Variants in COL26A1 observed in about 807,000 individuals in gnomAD.
The protein encoded by COL26A1 is collagen type XXVI alpha 1 chain.
Under a neutral mutation model 59.3 loss-of-function variants are expected in COL26A1, and 41 were observed. The observed-to-expected ratio is 0.69, with a 90% CI of 0.54 to 0.90. The LOEUF is 0.90. Among genes scored for constraint, COL26A1 ranks in the 40% least tolerant of loss-of-function variants. The pLI is 0.00. For missense variants in COL26A1, 612 were observed against 602.3 expected (o/e 1.02, Z -0.17); for synonymous variants, 266 against 256.0 (o/e 1.04, Z -0.37).
intron 3 of COL26A1, among the ~76,000 whole-genome samples, chr7:101,471,825 C>T (rs1257401990): frequency 6.6e-6 from 1 of 151,938 alleles, no homozygotes; most frequent in Non-Finnish European, 1.5e-5. Flanking sequence ...AGTGATCTGC[C>T]CACCTTGGCC....
intron 3 of COL26A1, among the ~76,000 whole-genome samples, chr7:101,461,007 G>C (rs914179317): frequency 1.6e-4 from 24 of 151,876 alleles, no homozygotes; most frequent in African/African-American, 5.8e-4. Context: ...TTTGAAACAG[G>C]GTCTTGCTCT....
At chr7:101,475,918 CTTTCTT>C (rs1342682360) in intron 3 of COL26A1, among the ~76,000 whole-genome samples, 14 of 143,400 alleles carry the variant, frequency 9.8e-5, no homozygotes, top group African/African-American at 2.9e-4. Context: ...CTCTCTCTCT[CTTTCTT>C]TCTCTCTCTC....
intron 2 of COL26A1, among the ~76,000 whole-genome samples, chr7:101,425,386 G>A (rs116575666): frequency 2.3e-3 from 351 of 152,236 alleles, no homozygotes; most frequent in African/African-American, 8.0e-3. Flanking sequence ...TAGGAGGTCC[G>A]GGACTGTCTC....
At chr7:101,501,185 C>CAAA (rs58672929) in intron 3 of COL26A1, among the ~76,000 whole-genome samples, 10 of 74,418 alleles carry the variant, frequency 1.3e-4, no homozygotes, top group Non-Finnish European at 2.0e-4. Context: ...GACTCCGTCT[C>CAAA]AAAAAAAAAA....
At chr7:101,529,661 G>C (rs1195576473) in intron 3 of COL26A1, among the ~76,000 whole-genome samples, 3 of 152,104 alleles carry the variant, frequency 2.0e-5, no homozygotes, top group African/African-American at 7.2e-5. Flanking sequence ...CTACTTATAG[G>C]TGAGAACATG....
chr7:101,453,819 C>T (rs578067940), intron 3 of COL26A1, among the ~76,000 whole-genome samples: 37 of 152,196 alleles, frequency 2.4e-4, no homozygotes, highest in African/African-American at 6.0e-4. Context: ...GGGCACATTC[C>T]GAAGATGGTT....
chr7:101,436,074 A>G (rs865801953), intron 2 of COL26A1, among the ~76,000 whole-genome samples: 4 of 152,172 alleles, frequency 2.6e-5, no homozygotes, highest in Admixed American at 2.0e-4. Context: ...GCCCACCCCA[A>G]GCAGTGGGGG....
At chr7:101,398,638 C>T (rs1480239685) in intron 1 of COL26A1, among the ~76,000 whole-genome samples, 1 of 152,146 alleles carries the variant, frequency 6.6e-6, no homozygotes, top group African/African-American at 2.4e-5. Context: ...GTGAGCCAGA[C>T]TTTGCACCAA....
intron 3 of COL26A1, among the ~76,000 whole-genome samples, chr7:101,486,194 C>T (rs557570319): frequency 2.2e-4 from 34 of 151,782 alleles, no homozygotes; most frequent in African/African-American, 8.0e-4. Flanking sequence ...AAAGTAGTCT[C>T]AGATTCTCTG....
At position 101,401,527 on chromosome 7, in the gene COL26A1, A is replaced by G. The variant is rs1421727900; in HGVS notation, c.159-18450A>G. On this transcript the variant is annotated intron_variant, in intron 1 of 12. Transcript: ENST00000313669. ...AAGAGGAGGGGGAGCAGGAGGACAA[A>G]GAGAAGGAGGAGGAAGAGGAAGAGT... Among the ~76,000 whole-genome samples, 8 of 148,134 alleles carry G rather than the reference A, an allele frequency of 5.4e-5. No individual in the cohort carries two copies. In the East Asian group the frequency reaches 1.6e-3, roughly 29 times the overall value.
chr7:101,467,815 C>G (rs943446605), intron 3 of COL26A1, among the ~76,000 whole-genome samples: 2 of 151,910 alleles, frequency 1.3e-5, no homozygotes, highest in African/African-American at 4.8e-5. Context: ...TGCAGTGAGC[C>G]GAGATCGCGC....
chr7:101,427,269 T>C (rs11561982), intron 2 of COL26A1, among the ~76,000 whole-genome samples: 110,683 of 152,114 alleles, frequency 0.73, 41,248 homozygotes, highest in African/African-American at 0.9. Context: ...TGCTTTGTTG[T>C]CCAGGCTGGT....
intron 3 of COL26A1, among the ~76,000 whole-genome samples, chr7:101,506,951 A>C: frequency 6.7e-6 from 1 of 148,618 alleles, no homozygotes. Flanking sequence ...CCCTCACTCT[A>C]TTGCCCAGGC....
chr7:101,398,510 C>T (rs531711656), intron 1 of COL26A1, among the ~76,000 whole-genome samples: 1 of 152,264 alleles, frequency 6.6e-6, no homozygotes, highest in South Asian at 2.1e-4. Context: ...TTCCCTCGCC[C>T]CAAGTCAGCA....
At position 101,377,273 on chromosome 7, in the gene COL26A1, GCTGGGATTACAGGCATGAGTCA is replaced by G. The variant is rs543342171; in HGVS notation, c.158+14087_158+14108del. Among the ~76,000 whole-genome samples the G allele has an allele frequency of 6.3e-3, 966 of 152,280 alleles. 9 individuals are homozygous for G. The highest frequency in any genetic ancestry group is 0.031 in the South Asian group (148 of 4,816). On this transcript the variant is annotated intron_variant, in intron 1 of 12. Transcript: ENST00000313669. Reference sequence around the variant, plus strand: ...TCCTCCCACCTTGGCATCCCAAAGTGCTGGGATTACAGGCATGAGTCACTGTGCCCGGCTGAGGATTTCTGAT... The same window carrying G: ...TCCTCCCACCTTGGCATCCCAAAGTGCTGTGCCCGGCTGAGGATTTCTGAT...
chr7:101,551,928 C>T (rs940781359), intron 10 of COL26A1, among the ~76,000 whole-genome samples: 3 of 152,174 alleles, frequency 2.0e-5, no homozygotes, highest in Non-Finnish European at 4.4e-5. Flanking sequence ...CGCATGTAAG[C>T]TTCACAGCGA....
At chr7:101,557,304 G>A (rs1378834828) in intron 12 of COL26A1, 66 bp from the exon 13 acceptor site, 18 of 1,511,668 alleles carry the variant, frequency 1.2e-5, no homozygotes, top group Non-Finnish European at 1.6e-5. Flanking sequence ...CACATATCAT[G>A]ATCAAATGTA....
At position 101,489,665 on chromosome 7, in the gene COL26A1, C is replaced by T. The variant is rs1402524244; in HGVS notation, c.385+41878C>T. ...TCTTTCTTTCTTTCTTTCTTTCTTC[C>T]TTCCTTCCTTCCTTCCTTTCTTTCT... is the stretch of plus-strand genomic sequence containing the variant. On this transcript the variant is annotated intron_variant, in intron 3 of 12. Transcript: ENST00000313669. 8.2e-3 allele frequency among the ~76,000 whole-genome samples: 381 copies of T among 46,402 alleles called. 37 individuals are homozygous for T. The highest frequency in any genetic ancestry group is 0.024 in the African/African-American group (95 of 3,916). 30.4% of individuals were successfully genotyped at this position (46,402 alleles called of 152,430 possible). A position where few individuals can be genotyped will look rare whatever the true frequency, so the allele number is the denominator to read the frequency against.
At chr7:101,400,124 A>T (rs1304765999) in intron 1 of COL26A1, among the ~76,000 whole-genome samples, 3 of 152,056 alleles carry the variant, frequency 2.0e-5, no homozygotes, top group African/African-American at 7.2e-5. Context: ...CTTGAGCAGG[A>T]TGTGGAAGAC....
Sources: allele counts gnomAD v4.1 joint callset (sites outside exome capture counted in the v4.1 genomes callset), GRCh38; gene constraint gnomAD v4.1.1; transcripts MANE v1.5; gene names NCBI Gene and HGNC (gene_info 2026-07-23, HGNC 2026-07-21).